PLPPR1: variants seen among roughly 807,000 people sequenced by gnomAD.
PLPPR1 encodes phospholipid phosphatase-related protein type 1.
A neutral mutation model predicts 33.1 loss-of-function variants in PLPPR1; 10 were observed. That is an observed-to-expected ratio of 0.30 (90% confidence interval 0.19 to 0.51). The LOEUF (loss-of-function observed/expected upper bound fraction) is 0.51, where lower values mean the gene tolerates loss of function less well. Ranked by LOEUF, PLPPR1 falls within the 20% of genes least tolerant of loss-of-function variation. The pLI, the probability that PLPPR1 is intolerant of heterozygous loss-of-function variation, is 0.97. For synonymous variants in PLPPR1, 151 were observed against 151.0 expected (o/e 1.00, Z 0.00); for missense variants, 304 against 408.1 (o/e 0.74, Z 2.20).
intron 4 of PLPPR1, among the ~76,000 whole-genome samples, chr9:101,289,325 A>T (rs1229306424): frequency 6.6e-6 from 1 of 152,168 alleles, no homozygotes. Context: ...GGCACTTCTC[A>T]TATTACTATA....
chr9:101,251,263 T>G (rs1827708315), intron 2 of PLPPR1, among the ~76,000 whole-genome samples: 1 of 152,146 alleles, frequency 6.6e-6, no homozygotes, highest in African/African-American at 2.4e-5. Flanking sequence ...AGCAAAAGTT[T>G]AGTGAATGAA....
At chr9:101,242,495 C>T (rs925980134) in intron 2 of PLPPR1, among the ~76,000 whole-genome samples, 6 of 151,978 alleles carry the variant, frequency 3.9e-5, no homozygotes, top group African/African-American at 1.4e-4. Flanking sequence ...TGATGCCTCA[C>T]CAAAATGATT....
intron 1 of PLPPR1, among the ~76,000 whole-genome samples, chr9:101,170,592 G>A (rs1253860070): frequency 2.0e-5 from 3 of 152,150 alleles, no homozygotes; most frequent in Non-Finnish European, 4.4e-5. Context: ...TGATGAAAGT[G>A]TGTAATAGAC....
chr9:101,163,007 G>A (rs149276902), intron 1 of PLPPR1, among the ~76,000 whole-genome samples: 22 of 152,238 alleles, frequency 1.4e-4, no homozygotes, highest in Non-Finnish European at 2.9e-4. Flanking sequence ...TGGTTTCTCT[G>A]TGAGGAAAAA....
At chr9:101,227,340 G>A (rs1213377927) in intron 2 of PLPPR1, among the ~76,000 whole-genome samples, 1 of 151,972 alleles carries the variant, frequency 6.6e-6, no homozygotes, top group African/African-American at 2.4e-5. Context: ...TTTAATAATC[G>A]CCATTCTGAC....
rs574501238 is a variant in PLPPR1, at chr9:101,111,229, T to C, written c.-45-74221T>C. 2.6e-5 allele frequency among the ~76,000 whole-genome samples: 4 copies of C among 152,234 alleles called. No individual in the cohort carries two copies. The East Asian group carries it at 7.7e-4, about 29-fold the overall frequency. On this transcript the variant is annotated intron_variant, in intron 1 of 7. Coordinates refer to ENST00000374874, the MANE Select transcript of PLPPR1 (RefSeq NM_207299.2). ...CTCTAAAGAACAAGTGTTATTGCTA[T>C]TAAAAAGAAAATAAGCAATTCAAGT... is the stretch of plus-strand genomic sequence containing the variant.
chr9:101,102,063 A>G (rs1199326598), intron 1 of PLPPR1, among the ~76,000 whole-genome samples: 1 of 141,812 alleles, frequency 7.1e-6, no homozygotes, highest in East Asian at 2.0e-4. Context: ...TTATACTATA[A>G]GCTTGTAAAC....
intron 3 of PLPPR1, among the ~76,000 whole-genome samples, chr9:101,280,429 C>A (rs891725691): frequency 6.6e-6 from 1 of 152,118 alleles, no homozygotes; most frequent in African/African-American, 2.4e-5. Context: ...TACTTCCAAA[C>A]TTATTATATG....
intron 4 of PLPPR1, among the ~76,000 whole-genome samples, chr9:101,305,478 A>AT (rs1359570634): frequency 2.0e-5 from 3 of 152,144 alleles, no homozygotes; most frequent in Admixed American, 2.0e-4. Flanking sequence ...AGTATGCAAC[A>AT]TTTGGCCTTC....
At chr9:101,284,143 T>C (rs985731906) in intron 3 of PLPPR1, among the ~76,000 whole-genome samples, 1 of 152,046 alleles carries the variant, frequency 6.6e-6, no homozygotes, top group Non-Finnish European at 1.5e-5. Flanking sequence ...TGAGTGTATA[T>C]ACAAAGGAAA....
intron 2 of PLPPR1, among the ~76,000 whole-genome samples, chr9:101,194,061 T>C (rs1826349761): frequency 6.6e-6 from 1 of 152,216 alleles, no homozygotes; most frequent in South Asian, 2.1e-4. Context: ...CTCAACTATC[T>C]GGAACTCTGG....
At chr9:101,170,666 TG>T (rs1327726664) in intron 1 of PLPPR1, among the ~76,000 whole-genome samples, 2 of 152,220 alleles carry the variant, frequency 1.3e-5, no homozygotes, top group East Asian at 3.9e-4. Context: ...CCAGACACAG[TG>T]GCCCATGCCT....
intron 2 of PLPPR1, among the ~76,000 whole-genome samples, chr9:101,249,849 G>A (rs1283049640): frequency 6.6e-6 from 1 of 152,040 alleles, no homozygotes; most frequent in African/African-American, 2.4e-5. Flanking sequence ...AGGTTTTGTA[G>A]CTGGCACATC....
chr9:101,094,097 C>T (rs1284550014), intron 1 of PLPPR1, among the ~76,000 whole-genome samples: 2 of 152,188 alleles, frequency 1.3e-5, no homozygotes, highest in Non-Finnish European at 2.9e-5. Context: ...TTGCCACTCT[C>T]CGGATATTCT....
chr9:101,210,481 CT>C (rs369846713), intron 2 of PLPPR1, among the ~76,000 whole-genome samples: 7 of 151,954 alleles, frequency 4.6e-5, no homozygotes, highest in Admixed American at 6.6e-5. Context: ...GGGTACTTGA[CT>C]TTTTTTTCTT....
intron 2 of PLPPR1, among the ~76,000 whole-genome samples, chr9:101,243,299 A>G (rs1028322129): frequency 2.0e-5 from 3 of 152,010 alleles, no homozygotes; most frequent in Non-Finnish European, 4.4e-5. Context: ...GAAAAAAAAT[A>G]TATTAGTGGA....
At position 101,093,113 on chromosome 9, in the gene PLPPR1, T is replaced by TAAGG. The variant is rs201097607; in HGVS notation, c.-46+64021_-46+64024dup. Among the ~76,000 whole-genome samples the TAAGG allele has an allele frequency of 1.5e-3, 235 of 152,330 alleles. 1 individual carries two copies. Among genetic ancestry groups the TAAGG allele is most frequent in the African/African-American group, 5.4e-3 (226 of 41,576 alleles). ...CTTTAGACATACTCTCACTACTTTC[T>TAAGG]AAGGAAGGAAGGAGAGAGGCAAGTC... On this transcript the variant is annotated intron_variant, in intron 1 of 7. Coordinates refer to ENST00000374874, the MANE Select transcript of PLPPR1 (RefSeq NM_207299.2).
At chr9:101,184,598 TA>T (rs984754951) in intron 1 of PLPPR1, among the ~76,000 whole-genome samples, 6 of 151,914 alleles carry the variant, frequency 3.9e-5, no homozygotes, top group African/African-American at 1.4e-4. Flanking sequence ...GGCTAGAGAA[TA>T]AAAAATGTAC....
At chr9:101,123,685 G>A (rs1478098756) in intron 1 of PLPPR1, among the ~76,000 whole-genome samples, 3 of 152,294 alleles carry the variant, frequency 2.0e-5, no homozygotes, top group Non-Finnish European at 4.4e-5. Context: ...GGATGGCTTA[G>A]CATTTGCTCT....
Sources: gnomAD v4.1 joint callset for allele counts (sites outside exome capture counted in the v4.1 genomes callset) on GRCh38, gnomAD v4.1.1 for gene constraint, MANE v1.5 for transcripts, NCBI Gene and HGNC (gene_info 2026-07-23, HGNC 2026-07-21) for gene names.